Variants in APC2 observed in about 807,000 individuals in gnomAD.
APC2 encodes the protein adenomatous polyposis coli protein 2.
In APC2, 41 loss-of-function variants were observed where a neutral mutation model predicts 72.5. That is an observed-to-expected ratio of 0.57 (90% CI 0.44 to 0.73). APC2 has a LOEUF of 0.73. Ranked by LOEUF, APC2 falls within the 30% of genes least tolerant of loss-of-function variation. APC2 has a pLI of 0.00. For missense variants in APC2, 3,729 were observed against 3,403.4 expected, an observed-to-expected ratio of 1.10 and a Z score of -2.38; for synonymous variants, 1,898 against 1,612.0, an observed-to-expected ratio of 1.18 and a Z score of -4.25.
In APC2 at chr19:1,468,646, C is replaced by T. The variant is rs748138623; in HGVS notation, c.5345C>T (p.Pro1782Leu). 2.5e-6 allele frequency: 4 copies of T among 1,593,766 alleles called. No homozygotes were observed. Among genetic ancestry groups the T allele is most frequent in the Admixed American group, 3.4e-5 (2 of 58,714 alleles). Residue 1782 changes from proline to leucine, a missense_variant, in exon 15 of 15, where the codon CCC (proline) becomes CTC (leucine). Physicochemically the swap from Pro to Leu is moderately conservative, Grantham distance 98 (BLOSUM62 -3). Transcript: ENST00000590469. ...CCACGTGGCACACAGAAGACCACGCCCGGGGTGCCAGCTGTGCTCCGGGGA... is the reference window on the plus strand; with the variant it reads ...CCACGTGGCACACAGAAGACCACGCTCGGGGTGCCAGCTGTGCTCCGGGGA... ...EKPRGTQKTT[P>L]GVPAVLRGRT...
chr19:1,457,192 G>A lies in APC2; in HGVS notation c.1156G>A (p.Asp386Asn). Residue 386 changes from aspartate (D) to asparagine (N), a missense_variant, in exon 9 of 15, where the codon GAC (aspartate) becomes AAC (asparagine). Coordinates refer to ENST00000590469, the MANE Select transcript of APC2 (RefSeq NM_005883.3). The part of the protein sequence containing the change: ...QIRAYCETCW[D>N]WLQARDGGPE... ...CCGGGCCTACTGCGAGACCTGCTGG[G>A]ACTGGCTGCAGGCCCGAGACGGCGG... is the stretch of plus-strand genomic sequence containing the variant. 2 of 1,565,092 alleles carry A rather than the reference G, an allele frequency of 1.3e-6. No individual in the cohort carries two copies. The highest frequency in any genetic ancestry group is 1.2e-5 in the South Asian group (1 of 85,164).
At position 1,462,037 on chromosome 19, in the gene APC2, C is replaced by G; in HGVS notation, c.1713C>G (p.Ile571Met). 6.2e-7 allele frequency: 1 copy of G among 1,613,190 alleles called. No homozygotes were observed. The highest frequency in any genetic ancestry group is 8.5e-7 in the Non-Finnish European group (1 of 1,180,014). The stretch of plus-strand genomic sequence containing the variant: ...ACAGCACAGAGAACAAGGCGGCCAT[C>G]TGCCAGGTGGATGGCGCCCTGGGCT... ...SAHSTENKAA[I>M]CQVDGALGFL... The change falls in exon 14 of 15, where the codon ATC becomes ATG. Residue 571 changes from isoleucine (I) to methionine (M), a missense_variant. Transcript: ENST00000590469.
In APC2 at chr19:1,467,207, C is replaced by T. The variant is rs777188964; in HGVS notation, c.3906C>T (p.Pro1302=). The T allele has an allele frequency of 8.4e-6, 12 of 1,421,314 alleles. No homozygotes were observed. Among genetic ancestry groups the T allele is most frequent in the Non-Finnish European group, 1.0e-5 (11 of 1,093,902 alleles). 88.0% of individuals were successfully genotyped at this position (1,421,314 alleles called of 1,614,324 possible). The stretch of plus-strand genomic sequence containing the variant: ...TGCGGCTGCTGCCCTCGGCCTGCCC[C>T]GAGCGCGGCGGGGGCGCCGGGGGCG... ...VELRLLPSAC[P]ERGGGAGGAG... is the part of the protein sequence containing the mutation. The change falls in exon 15 of 15, where the codon CCC becomes CCT. Residue 1302 remains proline (P), a synonymous_variant. Coordinates refer to ENST00000590469, the MANE Select transcript of APC2 (RefSeq NM_005883.3).
rs2084115836 is a variant in APC2 at position 1,470,457 on chromosome 19, T to C, written c.*244T>C. 4 of 551,584 alleles carry C rather than the reference T, an allele frequency of 7.3e-6. No homozygotes were observed. The highest frequency in any genetic ancestry group is 7.2e-5 in the East Asian group (2 of 27,754). The allele number at this position is 551,584 out of a possible 1,614,324, so 34.2% of individuals were successfully genotyped here. On this transcript the variant is annotated 3_prime_UTR_variant, in exon 15 of 15. Transcript: ENST00000590469. ...GCCGCTAGGCCTCAAGTCCCGACCG[T>C]GGAGCGCTGGCAAGGGCGTCCTGGC...
intron 9 of APC2, 42 bp downstream of exon 9, chr19:1,457,285 T>C (rs2083849173): frequency 1.3e-6 from 2 of 1,483,998 alleles, no homozygotes; most frequent in Non-Finnish European, 1.8e-6. Flanking sequence ...GCAATTAACG[T>C]GCAGCTAGGG....
In APC2 at chr19:1,469,646, C is replaced by G; in HGVS notation, c.6345C>G (p.Val2115=). ...ISVARRPDGA[V]PAAPASADAA... is the part of the protein sequence containing the mutation. ...TGGCCCGCAGGCCCGACGGCGCCGT[C>G]CCCGCGGCCCCTGCCTCAGCCGACG... is the stretch of plus-strand genomic sequence containing the variant. The change falls in exon 15 of 15, where the codon GTC becomes GTG. Residue 2115 remains valine, a synonymous_variant. Coordinates refer to ENST00000590469, the MANE Select transcript of APC2 (RefSeq NM_005883.3). 1 of 1,233,736 alleles carries G rather than the reference C, an allele frequency of 8.1e-7. No individual in the cohort carries two copies. Among genetic ancestry groups the G allele is most frequent in the African/African-American group, 1.6e-5 (1 of 63,042 alleles). 76.4% of individuals were successfully genotyped at this position (1,233,736 alleles called of 1,614,324 possible).
chr19:1,460,143 C>A, intron 10 of APC2, 38 bp from the exon 11 acceptor site: 1 of 1,611,502 alleles, frequency 6.2e-7, no homozygotes, highest in South Asian at 1.1e-5. Context: ...CAGGCAGGGT[C>A]ATCCCTGCCA....
In APC2 at chr19:1,471,287, A is replaced by T. The variant is rs957435514; in HGVS notation, c.*1074A>T. ...TCAATTCCCTTCTGGTTCATGATGC[A>T]TAAAGCGCTAGGCCCTAGAACTCCA... is the stretch of plus-strand genomic sequence containing the variant. On this transcript the variant is annotated 3_prime_UTR_variant, in exon 15 of 15. Transcript: ENST00000590469. 1.3e-5 allele frequency: 2 copies of T among 152,376 alleles called. No individual in the cohort carries two copies. The highest frequency in any genetic ancestry group is 4.8e-5 in the African/African-American group (2 of 41,452). 9.4% of individuals were successfully genotyped at this position (152,376 alleles called of 1,614,324 possible).
In APC2 at chr19:1,465,071, T is replaced by C. The variant is rs1568176982; in HGVS notation, c.1854-84T>C. ...AAACCTAACCAGATGCGTTTACTTT[T>C]ACCTGCCACATCTGGCCCCCCCATC... On this transcript the variant is annotated intron_variant, in intron 14 of 14. Coordinates refer to ENST00000590469, the MANE Select transcript of APC2 (RefSeq NM_005883.3). The C allele has an allele frequency of 3.4e-6, 5 of 1,477,558 alleles. No individual in the cohort carries two copies. The Admixed American group carries it at 1.1e-4, about 33-fold the overall frequency. The allele number at this position is 1,477,558 out of a possible 1,614,324, so 91.5% of individuals were successfully genotyped here.
Position 1,467,257 on chromosome 19 carries a change from G to A in APC2, c.3956G>A (p.Arg1319Gln), listed in dbSNP as rs1381567471. 8 of 1,308,286 alleles carry A rather than the reference G, an allele frequency of 6.1e-6. No homozygotes were observed. The highest frequency in any genetic ancestry group is 7.7e-6 in the Non-Finnish European group (8 of 1,033,742). 81.0% of individuals were successfully genotyped at this position (1,308,286 alleles called of 1,614,324 possible). ...GCCGGCCTCCACTTTGCAGGGCACC[G>A]GCGGCGGGAGGAGGGGCCGGCGCCC... ...GGAGLHFAGH[R>Q]RREEGPAPTG... The change falls in exon 15 of 15, where the codon CGG becomes CAG. Residue 1319 changes from arginine to glutamine, a missense_variant. Physicochemically the swap from Arg to Gln is conservative, Grantham distance 43 (BLOSUM62 1). Coordinates refer to ENST00000590469, the MANE Select transcript of APC2 (RefSeq NM_005883.3).
In APC2 at chr19:1,468,423, C is replaced by G. The variant is rs1166645023; in HGVS notation, c.5122C>G (p.Arg1708Gly). 6.3e-7 allele frequency: 1 copy of G among 1,590,888 alleles called. No individual in the cohort carries two copies. The change falls in exon 15 of 15, where the codon CGG (arginine) becomes GGG (glycine). Residue 1708 changes from arginine (R) to glycine (G), a missense_variant. Coordinates refer to ENST00000590469, the MANE Select transcript of APC2 (RefSeq NM_005883.3). ...TWLHQAAAAT[R>G]EASSESDSIL... The stretch of plus-strand genomic sequence containing the variant: ...GCTGCACCAGGCAGCAGCTGCCACG[C>G]GGGAGGCCTCGTCCGAGTCCGACTC...
rs1398530611 is a variant in APC2, at chr19:1,465,870, C to T, written c.2569C>T (p.Leu857=). 2 of 1,566,066 alleles carry T rather than the reference C, an allele frequency of 1.3e-6. No homozygotes were observed. Among genetic ancestry groups the T allele is most frequent in the East Asian group, 2.3e-5 (1 of 44,112 alleles). ...LALAVARIDQ[L]VEDISALHTS... is the part of the protein sequence containing the mutation. ...GCTTGCAGTGGCGCGCATCGACCAG[C>T]TGGTGGAGGACATCTCCGCCCTGCA... The change falls in exon 15 of 15, where the codon CTG becomes TTG. Residue 857 remains leucine, a synonymous_variant. Coordinates refer to ENST00000590469, the MANE Select transcript of APC2 (RefSeq NM_005883.3).
At chr19:1,461,359 G>C in intron 13 of APC2, 1 of 597,992 alleles carries the variant, frequency 1.7e-6, no homozygotes, top group Non-Finnish European at 3.0e-6. Context: ...TGGCTCACTT[G>C]AGGTCAGGAG....
At chr19:1,455,344 G>A (rs752221383) in intron 5 of APC2, 40 bp from the exon 6 acceptor site, 26 of 1,598,220 alleles carry the variant, frequency 1.6e-5, no homozygotes, top group East Asian at 2.3e-5. Context: ...GGCCTGGCCC[G>A]GGCGCCCCTC....
intron 13 of APC2, chr19:1,461,404 ATC>A: frequency 1.8e-6 from 1 of 543,412 alleles, no homozygotes; most frequent in East Asian, 3.2e-5. Flanking sequence ...GTCAGACCCC[ATC>A]TCTACTAAAA....
intron 10 of APC2, among the ~76,000 whole-genome samples, chr19:1,459,090 A>G (rs577801939): frequency 3.3e-5 from 5 of 152,126 alleles, no homozygotes; most frequent in African/African-American, 1.2e-4. Flanking sequence ...AATCTGATGG[A>G]GCTAGGGACA....
intron 14 of APC2, among the ~76,000 whole-genome samples, chr19:1,463,581 C>CA (rs58370572): frequency 0.076 from 7,280 of 96,142 alleles, 661 homozygotes; most frequent in African/African-American, 0.22. Flanking sequence ...AAAACTGTCT[C>CA]AAAAAAAAAA....
chr19:1,466,534 C>T lies in APC2; in HGVS notation c.3233C>T (p.Ser1078Leu), dbSNP rs1482786962. The T allele has an allele frequency of 6.3e-7, 1 of 1,587,050 alleles. No homozygotes were observed. The highest frequency in any genetic ancestry group is 8.5e-7 in the Non-Finnish European group (1 of 1,174,376). ...TGCAGCTCCCTTTCCTCGCTGTCCT[C>T]GGCCGGCCGCCCAGGCCCCAGCGAG... Reference protein sequence around the residue: ...SRCSSLSSLSSAGRPGPSEGG... With the variant: ...SRCSSLSSLSLAGRPGPSEGG... The change falls in exon 15 of 15, where the codon TCG becomes TTG. Residue 1078 changes from serine to leucine, a missense_variant. Ser to Leu is a moderately radical substitution (Grantham distance 145, BLOSUM62 -2). Coordinates refer to ENST00000590469, the MANE Select transcript of APC2 (RefSeq NM_005883.3).
At chr19:1,456,494 C>A (rs927583316) in intron 8 of APC2, 90 bp downstream of exon 8, 12 of 1,304,958 alleles carry the variant, frequency 9.2e-6, no homozygotes, top group Non-Finnish European at 1.3e-5. Flanking sequence ...GGTGCCCTCC[C>A]ATGCCTCCAT....
Sources: gnomAD v4.1 joint callset for allele counts (sites outside exome capture counted in the v4.1 genomes callset) on GRCh38, gnomAD v4.1.1 for gene constraint, MANE v1.5 for transcripts, NCBI Gene and HGNC (gene_info 2026-07-23, HGNC 2026-07-21) for gene names.